Variants in ERC2 observed in about 807,000 individuals in gnomAD.
The protein encoded by ERC2 is ERC protein 2.
A neutral mutation model predicts 114.8 loss-of-function variants in ERC2; 42 were observed. The observed-to-expected ratio is 0.37, with a 90% confidence interval of 0.29 to 0.47. ERC2 has a LOEUF of 0.47. ERC2 is among the 20% of genes least tolerant of loss of function. ERC2 has a pLI of 0.99. For missense variants in ERC2, 939 were observed against 1,150.7 expected, an observed-to-expected ratio of 0.82 and a Z score of 2.66; for synonymous variants, 454 against 425.5, an observed-to-expected ratio of 1.07 and a Z score of -0.82.
intron 14 of ERC2, among the ~76,000 whole-genome samples, chr3:55,830,442 A>G (rs2149181744): frequency 6.6e-6 from 1 of 152,354 alleles, no homozygotes; most frequent in South Asian, 2.1e-4. Context: ...AGGGCCTTCA[A>G]ACTACGTATG....
intron 8 of ERC2, among the ~76,000 whole-genome samples, chr3:56,013,152 T>A (rs886673537): frequency 6.6e-6 from 1 of 152,180 alleles, no homozygotes; most frequent in South Asian, 2.1e-4. Context: ...CGGAGAGGCA[T>A]TATTCTTTGC....
chr3:56,104,261 C>T (rs566601621), intron 6 of ERC2, among the ~76,000 whole-genome samples: 2 of 152,310 alleles, frequency 1.3e-5, no homozygotes, highest in African/African-American at 4.8e-5. Context: ...CTCACTTTGG[C>T]AAACCATTGT....
At chr3:56,214,963 T>G (rs1440292469) in intron 3 of ERC2, among the ~76,000 whole-genome samples, 2 of 152,146 alleles carry the variant, frequency 1.3e-5, no homozygotes, top group African/African-American at 2.4e-5. Context: ...GTCATCACCA[T>G]GCCTGCCCTA....
intron 17 of ERC2, among the ~76,000 whole-genome samples, chr3:55,555,020 T>A (rs1430669497): frequency 6.6e-6 from 1 of 152,032 alleles, no homozygotes. Context: ...GAGGATCCCA[T>A]TTCCCACCAC....
In ERC2 at chr3:55,908,975, G is replaced by T. The variant is rs571139851; in HGVS notation, c.2404-20426C>A. On this transcript the variant is annotated intron_variant, in intron 13 of 17. Transcript: ENST00000288221. The stretch of plus-strand genomic sequence containing the variant: ...GAATAATAACACATGCATCTTCATT[G>T]AATACCCATTTTGAGCCAGACTCTG... 5.1e-4 allele frequency among the ~76,000 whole-genome samples: 78 copies of T among 152,298 alleles called. 2 individuals are homozygous for T. The South Asian group carries it at 0.012, about 23-fold the overall frequency.
chr3:55,672,069 C>T (rs1177397842), intron 17 of ERC2, among the ~76,000 whole-genome samples: 1 of 152,110 alleles, frequency 6.6e-6, no homozygotes, highest in South Asian at 2.1e-4. Context: ...GTGGCCAGGT[C>T]GGGTAGCTCA....
At chr3:56,028,936 G>C (rs2074211795) in intron 7 of ERC2, among the ~76,000 whole-genome samples, 1 of 152,014 alleles carries the variant, frequency 6.6e-6, no homozygotes, top group South Asian at 2.1e-4. Context: ...GTTCGCTATA[G>C]GTTTTTTGTA....
At chr3:55,549,477 CTTTT>C (rs11404043) in intron 17 of ERC2, among the ~76,000 whole-genome samples, 2 of 123,226 alleles carry the variant, frequency 1.6e-5, no homozygotes, top group African/African-American at 6.1e-5. Flanking sequence ...GCCGCCTTAC[CTTTT>C]TTTTTTTTTT....
At chr3:55,523,315 A>G (rs2053087730) in intron 17 of ERC2, among the ~76,000 whole-genome samples, 1 of 152,240 alleles carries the variant, frequency 6.6e-6, no homozygotes, top group South Asian at 2.1e-4. Flanking sequence ...ACAGAGATGT[A>G]TGAAATTCCT....
chr3:56,389,040 T>A (rs2060036367), intron 2 of ERC2, among the ~76,000 whole-genome samples: 1 of 151,978 alleles, frequency 6.6e-6, no homozygotes, highest in Non-Finnish European at 1.5e-5. Context: ...AGTACAAAAA[T>A]TGTAATGCAT....
At chr3:55,792,281 C>A (rs568234654) in intron 14 of ERC2, among the ~76,000 whole-genome samples, 32 of 152,240 alleles carry the variant, frequency 2.1e-4, no homozygotes, top group African/African-American at 7.7e-4. Context: ...AGAAAAGAAA[C>A]CCCTAACCTT....
chr3:55,848,780 C>T (rs1200067508), intron 14 of ERC2, among the ~76,000 whole-genome samples: 1 of 152,180 alleles, frequency 6.6e-6, no homozygotes, highest in Non-Finnish European at 1.5e-5. Flanking sequence ...TGAATCTCCT[C>T]TAATAGCCCT....
chr3:55,699,093 C>T (rs916937029), intron 16 of ERC2, among the ~76,000 whole-genome samples: 1 of 152,006 alleles, frequency 6.6e-6, no homozygotes, highest in Non-Finnish European at 1.5e-5. Flanking sequence ...AAGTAACCCG[C>T]CATGAGATAC....
At chr3:55,979,521 T>C (rs1020823713) in intron 12 of ERC2, among the ~76,000 whole-genome samples, 31 of 152,200 alleles carry the variant, frequency 2.0e-4, no homozygotes, top group African/African-American at 4.6e-4. Flanking sequence ...ATCAAAACAC[T>C]GTGAGAATCA....
chr3:55,629,715 T>C (rs1356430852), intron 17 of ERC2, among the ~76,000 whole-genome samples: 1 of 152,258 alleles, frequency 6.6e-6, no homozygotes, highest in Admixed American at 6.5e-5. Flanking sequence ...ATAGATGTTC[T>C]ACTGAAGACA....
chr3:55,554,777 T>G (rs1331695585), intron 17 of ERC2, among the ~76,000 whole-genome samples: 1 of 152,134 alleles, frequency 6.6e-6, no homozygotes, highest in Non-Finnish European at 1.5e-5. Context: ...AACCAAGAGT[T>G]AGGGCTCAGC....
intron 13 of ERC2, among the ~76,000 whole-genome samples, chr3:55,931,376 G>C (rs1344640529): frequency 1.5e-4 from 23 of 152,270 alleles, no homozygotes; most frequent in Non-Finnish European, 8.8e-5. Context: ...TGATAGACTG[G>C]ATAAAGAAAA....
intron 7 of ERC2, among the ~76,000 whole-genome samples, chr3:56,068,088 T>G (rs892117875): frequency 6.6e-6 from 1 of 152,200 alleles, no homozygotes; most frequent in Non-Finnish European, 1.5e-5. Flanking sequence ...CCTTTTCAAT[T>G]GTTTGGAAAT....
Position 55,683,781 on chromosome 3 carries a change from G to C in ERC2, c.*39+13C>G. ...ATTTTTTAATAAAAATGATATAAAA[G>C]ATGGTTTCTCACCCCTCAAAACAAA... On this transcript the variant is annotated intron_variant, in intron 17 of 17. Transcript: ENST00000288221. 6.3e-7 allele frequency: 1 copy of C among 1,599,888 alleles called. No homozygotes were observed. The highest frequency in any genetic ancestry group is 8.6e-7 in the Non-Finnish European group (1 of 1,169,494).
Sources: allele counts gnomAD v4.1 joint callset (sites outside exome capture counted in the v4.1 genomes callset), GRCh38; gene constraint gnomAD v4.1.1; transcripts MANE v1.5; gene names NCBI Gene and HGNC (gene_info 2026-07-23, HGNC 2026-07-21).